ANKUB1: variants seen among roughly 807,000 people sequenced by gnomAD.
The protein encoded by ANKUB1 is protein ANKUB1.
A neutral mutation model predicts 49.3 loss-of-function variants in ANKUB1; 42 were observed. That is an observed-to-expected ratio of 0.85 (90% CI 0.67 to 1.10). The LOEUF (loss-of-function observed/expected upper bound fraction) is 1.10, where lower values mean the gene tolerates loss of function less well. Ranked by LOEUF, ANKUB1 falls within the 50% of genes least tolerant of loss-of-function variation. ANKUB1 has a pLI of 0.00. For synonymous variants in ANKUB1, 222 were observed against 231.0 expected (o/e 0.96, Z 0.35); for missense variants, 613 against 642.0 (o/e 0.95, Z 0.49).
rs943456031 is a variant in ANKUB1 at position 149,762,716 on chromosome 3, A to G, written c.1506-1103T>C. ...ACTTACTTCATGAAAAAGAACTTCT[A>G]TGAGCTTCCCACCTACCTCCTACCC... On this transcript the variant is annotated intron_variant, in intron 5 of 5. Transcript: ENST00000446160. 3.9e-5 allele frequency among the ~76,000 whole-genome samples: 6 copies of G among 152,346 alleles called. 1 individual carries two copies. In the East Asian group the frequency reaches 7.7e-4, roughly 20 times the overall value.
At chr3:149,781,106 G>A (rs79477075) in intron 2 of ANKUB1, among the ~76,000 whole-genome samples, 11,352 of 150,946 alleles carry the variant, frequency 0.075, 483 homozygotes, top group Middle Eastern at 0.11. Context: ...GATTACAGGC[G>A]CGAGCCACTG....
intron 2 of ANKUB1, among the ~76,000 whole-genome samples, chr3:149,790,197 C>T (rs1718299329): frequency 6.6e-6 from 1 of 152,060 alleles, no homozygotes; most frequent in African/African-American, 2.4e-5. Context: ...AATCTCCAGG[C>T]ACATTAATTT....
At chr3:149,764,971 G>A (rs940490034) in intron 5 of ANKUB1, among the ~76,000 whole-genome samples, 2 of 152,056 alleles carry the variant, frequency 1.3e-5, no homozygotes, top group African/African-American at 2.4e-5. Context: ...TTGGTATAGA[G>A]TCAAGAGAAG....
chr3:149,786,391 A>T (rs186918967), intron 2 of ANKUB1, among the ~76,000 whole-genome samples: 1 of 152,154 alleles, frequency 6.6e-6, no homozygotes, highest in Non-Finnish European at 1.5e-5. Flanking sequence ...TTTGAGAAGC[A>T]TCTGTTCATG....
At chr3:149,779,768 C>G (rs1717769579) in intron 3 of ANKUB1, 1 of 159,524 alleles carries the variant, frequency 6.3e-6, no homozygotes, top group Non-Finnish European at 1.4e-5. Context: ...TTTTGCTCTT[C>G]CACCCTGAGG....
At chr3:149,790,968 T>G in intron 1 of ANKUB1, 44 bp from the exon 2 acceptor site, 2 of 1,518,386 alleles carry the variant, frequency 1.3e-6, no homozygotes, top group Non-Finnish European at 1.8e-6. Flanking sequence ...CATCCTTACG[T>G]TACTAGACCA....
chr3:149,769,832 T>C (rs756964679), intron 4 of ANKUB1, among the ~76,000 whole-genome samples: 26 of 152,234 alleles, frequency 1.7e-4, no homozygotes, highest in Admixed American at 1.0e-3. Flanking sequence ...TTTATTCTGA[T>C]AGTCTTTAAA....
intron 2 of ANKUB1, among the ~76,000 whole-genome samples, chr3:149,789,124 G>GTGAA (rs200091784): frequency 0.032 from 4,932 of 152,098 alleles, 106 homozygotes; most frequent in Non-Finnish European, 0.046. Flanking sequence ...TGAGAACCAT[G>GTGAA]TGAACATACT....
chr3:149,766,577 A>G (rs1490779695), intron 5 of ANKUB1: 1 of 389,260 alleles, frequency 2.6e-6, no homozygotes, highest in Non-Finnish European at 4.9e-6. Flanking sequence ...AGGTGGGAGG[A>G]TCGCTTGAGC....
chr3:149,779,965 G>A, intron 3 of ANKUB1: 1 of 411,112 alleles, frequency 2.4e-6, no homozygotes, highest in Non-Finnish European at 4.4e-6. Context: ...GGTTTTGATT[G>A]TAAATCTTCA....
chr3:149,780,518 A>G, intron 2 of ANKUB1, 63 bp from the exon 3 acceptor site: 1 of 1,313,950 alleles, frequency 7.6e-7, no homozygotes, highest in East Asian at 2.5e-5. Flanking sequence ...CAAGCATTTC[A>G]GAGGGTAGCT....
rs762748277 is a variant in ANKUB1 at position 149,780,474 on chromosome 3, A to C, written c.235-19T>G. On this transcript the variant is annotated intron_variant, in intron 2 of 5. Transcript: ENST00000446160. ...CTTCTTCCTAAAGGGAAAGAAAAGG[A>C]GGGAACTTATTGTCTGGAGGTTCAG... The C allele has an allele frequency of 6.5e-6, 10 of 1,539,384 alleles. No homozygotes were observed. The South Asian group carries it at 1.2e-4, about 18-fold the overall frequency.
At chr3:149,780,593 C>T in intron 2 of ANKUB1, 138 bp from the exon 3 acceptor site, 1 of 655,302 alleles carries the variant, frequency 1.5e-6, no homozygotes, top group Non-Finnish European at 2.7e-6. Flanking sequence ...GAGTTCTCTG[C>T]CTTCTGGTCT....
chr3:149,769,033 A>G (rs1717202875), intron 4 of ANKUB1, among the ~76,000 whole-genome samples: 1 of 152,236 alleles, frequency 6.6e-6, no homozygotes, highest in Admixed American at 6.5e-5. Flanking sequence ...GATGCAGAAC[A>G]TGGAAAAAGA....
At chr3:149,772,723 C>T (rs1024129448) in intron 3 of ANKUB1, among the ~76,000 whole-genome samples, 1 of 152,194 alleles carries the variant, frequency 6.6e-6, no homozygotes, top group Non-Finnish European at 1.5e-5. Flanking sequence ...ACTGTGCCTG[C>T]TTTCCACAGT....
At chr3:149,791,271 A>G (rs1460877948) in intron 1 of ANKUB1, among the ~76,000 whole-genome samples, 1 of 152,222 alleles carries the variant, frequency 6.6e-6, no homozygotes, top group Non-Finnish European at 1.5e-5. Flanking sequence ...GTTGTTGCAA[A>G]TATTTCAAAA....
At chr3:149,790,948 GA>G (rs1718331516) in intron 1 of ANKUB1, 24 bp from the exon 2 acceptor site, 1 of 1,547,456 alleles carries the variant, frequency 6.5e-7, no homozygotes. Context: ...AGCATATTAT[GA>G]AAACAGTACA....
chr3:149,761,541 G>A lies in ANKUB1; in HGVS notation c.1578C>T (p.Asn526=). Residue 526 remains asparagine, a synonymous_variant, in exon 6 of 6, where the codon AAC becomes AAT. Transcript: ENST00000446160. The part of the protein sequence containing the change: ...ARVLAKKSIS[N]LTTRGGLTAC... The stretch of plus-strand genomic sequence containing the variant: ...CTGTCAGACCTCCTCGGGTAGTCAA[G>A]TTAGAAATGCTCTTTTTGGCCAGGA... The A allele has an allele frequency of 6.4e-7, 1 of 1,551,456 alleles. No individual in the cohort carries two copies. Among genetic ancestry groups the A allele is most frequent in the Non-Finnish European group, 8.7e-7 (1 of 1,146,836 alleles).
Position 149,790,841 on chromosome 3 carries a change from G to A in ANKUB1, c.174C>T (p.Asp58=). ...TTCCAACATCAGCAAGACTCCAACT[G>A]TCCTTTAGAGCAGCTCCAGCATACA... ...ELMYAGAALK[D]SWSLADVGIS... Residue 58 remains aspartate (D), a synonymous_variant, in exon 2 of 6, where the codon GAC becomes GAT. Coordinates refer to ENST00000446160, the MANE Select transcript of ANKUB1 (RefSeq NM_001144960.3). The A allele has an allele frequency of 1.3e-6, 2 of 1,552,082 alleles. No individual in the cohort carries two copies. The highest frequency in any genetic ancestry group is 1.7e-6 in the Non-Finnish European group (2 of 1,147,018).
Sources: allele counts gnomAD v4.1 joint callset (sites outside exome capture counted in the v4.1 genomes callset), GRCh38; gene constraint gnomAD v4.1.1; transcripts MANE v1.5; gene names NCBI Gene and HGNC (gene_info 2026-07-23, HGNC 2026-07-21).